Variants in CMTM8 observed in about 807,000 individuals in gnomAD.
The protein encoded by CMTM8 is CKLF like MARVEL transmembrane domain containing 8.
Under a neutral mutation model 18.6 loss-of-function variants are expected in CMTM8, and 12 were observed. That is an observed-to-expected ratio of 0.65 (90% CI 0.41 to 1.05). The LOEUF (loss-of-function observed/expected upper bound fraction) is 1.05. Among genes scored for constraint, CMTM8 ranks in the 50% least tolerant of loss-of-function variants. The pLI is 0.00. For missense variants in CMTM8, 217 were observed against 227.2 expected (o/e 0.95, Z 0.29); for synonymous variants, 87 against 90.6 (o/e 0.96, Z 0.23).
intron 2 of CMTM8, 70 bp from the exon 3 acceptor site, chr3:32,367,802 T>A: frequency 2.0e-6 from 2 of 1,018,406 alleles, no homozygotes; most frequent in Non-Finnish European, 1.5e-6. Flanking sequence ...ACAGCCCTCA[T>A]CACTTCTGAA....
chr3:32,295,486 AAACAG>A (rs1702862923), intron 1 of CMTM8, among the ~76,000 whole-genome samples: 1 of 141,382 alleles, frequency 7.1e-6, no homozygotes, highest in Admixed American at 7.2e-5. Flanking sequence ...AAACAAAACA[AAACAG>A]CGGAAAGAGA....
intron 1 of CMTM8, among the ~76,000 whole-genome samples, chr3:32,334,971 G>T (rs1359957354): frequency 6.6e-6 from 1 of 152,184 alleles, no homozygotes; most frequent in Non-Finnish European, 1.5e-5. Flanking sequence ...GCCCTGGGCC[G>T]TCTTGGTGAG....
intron 2 of CMTM8, among the ~76,000 whole-genome samples, chr3:32,362,680 T>A (rs1301729112): frequency 1.3e-5 from 2 of 152,240 alleles, no homozygotes; most frequent in African/African-American, 4.8e-5. Context: ...GGCAGTCTTT[T>A]CAGCATAGCA....
At chr3:32,352,215 A>G (rs954972275) in intron 1 of CMTM8, among the ~76,000 whole-genome samples, 10 of 104,740 alleles carry the variant, frequency 9.5e-5, no homozygotes, top group Non-Finnish European at 7.1e-5. Flanking sequence ...AAAAAAAAAA[A>G]AAAGAAAAAA....
At position 32,342,203 on chromosome 3, in the gene CMTM8, G is replaced by A. The variant is rs771214239; in HGVS notation, c.148-15170G>A. 4.6e-5 allele frequency among the ~76,000 whole-genome samples: 7 copies of A among 152,138 alleles called. No homozygotes were observed. In the East Asian group the frequency reaches 5.8e-4, roughly 13 times the overall value. ...GCGGAGGTTGCAGTGAGCCAAGATCGCACCACTGCAGTCCAGCGTAGGCAA... is the reference window on the plus strand; with the variant it reads ...GCGGAGGTTGCAGTGAGCCAAGATCACACCACTGCAGTCCAGCGTAGGCAA... On this transcript the variant is annotated intron_variant, in intron 1 of 3. Transcript: ENST00000307526.
At chr3:32,242,761 A>G (rs1701959880) in intron 1 of CMTM8, among the ~76,000 whole-genome samples, 2 of 152,154 alleles carry the variant, frequency 1.3e-5, no homozygotes, top group Non-Finnish European at 2.9e-5. Flanking sequence ...CTCCCAGTGT[A>G]CTGGGCACCT....
At chr3:32,317,411 A>C (rs1008143744) in intron 1 of CMTM8, among the ~76,000 whole-genome samples, 2 of 152,230 alleles carry the variant, frequency 1.3e-5, no homozygotes, top group African/African-American at 4.8e-5. Context: ...ATAAACATTA[A>C]TGTTGGAAGA....
chr3:32,253,405 C>T (rs992810431), intron 1 of CMTM8, among the ~76,000 whole-genome samples: 15 of 144,158 alleles, frequency 1.0e-4, no homozygotes, highest in African/African-American at 2.1e-4. Context: ...GTGCAGTTGG[C>T]GCAATCTTGG....
chr3:32,296,142 A>T (rs72854480), intron 1 of CMTM8, among the ~76,000 whole-genome samples: 39,026 of 150,156 alleles, frequency 0.26, 5,219 homozygotes, highest in Admixed American at 0.32. Flanking sequence ...TTTATTTTTT[A>T]TTTTTTTTTA....
chr3:32,263,992 A>G (rs1225035531), intron 1 of CMTM8, among the ~76,000 whole-genome samples: 2 of 152,264 alleles, frequency 1.3e-5, no homozygotes, highest in Admixed American at 6.5e-5. Context: ...CCTGAAAGTG[A>G]CAAGGAGAAT....
At chr3:32,352,756 A>G (rs927136221) in intron 1 of CMTM8, among the ~76,000 whole-genome samples, 1 of 152,076 alleles carries the variant, frequency 6.6e-6, no homozygotes, top group Non-Finnish European at 1.5e-5. Context: ...CTTGATTTGG[A>G]TGCTGGTTAC....
intron 1 of CMTM8, among the ~76,000 whole-genome samples, chr3:32,252,988 A>G (rs1227567687): frequency 6.6e-6 from 1 of 152,120 alleles, no homozygotes; most frequent in Non-Finnish European, 1.5e-5. Flanking sequence ...TATGAATGGG[A>G]ATGGACCTAG....
At chr3:32,353,524 T>C (rs975153034) in intron 1 of CMTM8, among the ~76,000 whole-genome samples, 2 of 152,160 alleles carry the variant, frequency 1.3e-5, no homozygotes, top group Admixed American at 1.3e-4. Flanking sequence ...ACTGTTAAAA[T>C]TGGCAGAGAT....
intron 1 of CMTM8, among the ~76,000 whole-genome samples, chr3:32,339,596 G>A (rs1199535894): frequency 6.6e-6 from 1 of 152,204 alleles, no homozygotes; most frequent in Non-Finnish European, 1.5e-5. Context: ...AGCAAGGCCT[G>A]AAGCCCTTCG....
At chr3:32,240,159 C>T (rs2125524918) in intron 1 of CMTM8, among the ~76,000 whole-genome samples, 1 of 152,320 alleles carries the variant, frequency 6.6e-6, no homozygotes, top group East Asian at 1.9e-4. Flanking sequence ...TGACTGAAGA[C>T]CTGGGCGGTT....
intron 1 of CMTM8, among the ~76,000 whole-genome samples, chr3:32,332,653 G>A (rs894275097): frequency 1.3e-5 from 2 of 152,172 alleles, no homozygotes; most frequent in African/African-American, 4.8e-5. Flanking sequence ...AATCCTTCTT[G>A]AATCTGTATA....
intron 1 of CMTM8, among the ~76,000 whole-genome samples, chr3:32,354,929 C>T (rs1400809662): frequency 2.0e-5 from 3 of 152,218 alleles, no homozygotes; most frequent in Non-Finnish European, 4.4e-5. Flanking sequence ...TCTTCACTTT[C>T]AGTAAGTGTT....
At chr3:32,310,168 T>C (rs1207086973) in intron 1 of CMTM8, among the ~76,000 whole-genome samples, 3 of 152,106 alleles carry the variant, frequency 2.0e-5, no homozygotes, top group Non-Finnish European at 4.4e-5. Flanking sequence ...GTTTTTTTTT[T>C]CTGTAAATCG....
intron 1 of CMTM8, among the ~76,000 whole-genome samples, chr3:32,239,815 T>A (rs529321476): frequency 6.6e-6 from 1 of 152,270 alleles, no homozygotes; most frequent in African/African-American, 2.4e-5. Flanking sequence ...CTGTCAGCAG[T>A]TAGAGGTGGT....
Sources: allele counts gnomAD v4.1 joint callset (sites outside exome capture counted in the v4.1 genomes callset), GRCh38; gene constraint gnomAD v4.1.1; transcripts MANE v1.5; gene names NCBI Gene and HGNC (gene_info 2026-07-23, HGNC 2026-07-21).